STARD4: variants seen among roughly 807,000 people sequenced by gnomAD.
The protein encoded by STARD4 is StAR related lipid transfer domain containing 4, also known as stAR-related lipid transfer protein 4.
In STARD4, 33 loss-of-function variants were observed where a neutral mutation model predicts 24.9. That is an observed-to-expected ratio of 1.32 (90% CI 1.00 to 1.77). STARD4 has a LOEUF of 1.77. STARD4 is among the 40% of genes most tolerant of loss of function. The probability of loss-of-function intolerance (pLI) is 0.00; values close to 1 mark genes in which losing one functional copy is unlikely to be tolerated. For missense variants in STARD4, 238 were observed against 249.3 expected, an observed-to-expected ratio of 0.95 and a Z score of 0.31; for synonymous variants, 88 against 77.4, an observed-to-expected ratio of 1.14 and a Z score of -0.72.
chr5:111,499,728 A>G lies in STARD4; in HGVS notation c.*158T>C. The G allele has an allele frequency of 1.5e-6, 1 of 666,324 alleles. No homozygotes were observed. The allele number at this position is 666,324 out of a possible 1,614,324, so 41.3% of individuals were successfully genotyped here. On this transcript the variant is annotated 3_prime_UTR_variant, in exon 6 of 6. Coordinates refer to ENST00000296632, the MANE Select transcript of STARD4 (RefSeq NM_139164.3). Reference sequence around the variant, plus strand: ...TGAAAATGCCCTCTCTTAGATAGCTATTTACTTTAGGAATAAAACCAAACA... The same window carrying G: ...TGAAAATGCCCTCTCTTAGATAGCTGTTTACTTTAGGAATAAAACCAAACA...
In STARD4 at chr5:111,501,008, A is replaced by T; in HGVS notation, c.391T>A (p.Ser131Thr). 6.2e-7 allele frequency: 1 copy of T among 1,613,860 alleles called. No individual in the cohort carries two copies. Among genetic ancestry groups the T allele is most frequent in the Non-Finnish European group, 8.5e-7 (1 of 1,179,888 alleles). ...AACATGTTGAGATTATTACCACAAG[A>T]TAAAAGCCCTTCTTTATAGCCCACA... ...YTVGYKEGLL[S>T]CGISLDWDEK... is the part of the protein sequence containing the mutation. The change falls in exon 5 of 6, where the codon TCT becomes ACT. Residue 131 changes from serine to threonine, a missense_variant. By Grantham distance (58) the Ser-to-Thr change is moderately conservative. Coordinates refer to ENST00000296632, the MANE Select transcript of STARD4 (RefSeq NM_139164.3).
intron 4 of STARD4, 40 bp downstream of exon 4, chr5:111,501,922 C>G: frequency 6.2e-7 from 1 of 1,610,818 alleles, no homozygotes; most frequent in Non-Finnish European, 8.5e-7. Context: ...CTCCCTCATG[C>G]ACATACACAC....
intron 5 of STARD4, chr5:111,500,391 G>A (rs1008204912): frequency 1.8e-6 from 2 of 1,116,490 alleles, no homozygotes; most frequent in African/African-American, 3.3e-5. Context: ...GTAGTATCCA[G>A]GCCTTGAGGT....
chr5:111,512,198 C>G (rs1757359707), intron 1 of STARD4, 187 bp downstream of exon 1: 1 of 152,504 alleles, frequency 6.6e-6, no homozygotes, highest in Admixed American at 6.5e-5. Flanking sequence ...TCAGGTTTCT[C>G]TTTCATCTGT....
At chr5:111,505,276 T>C (rs1756773350) in intron 3 of STARD4, among the ~76,000 whole-genome samples, 1 of 152,230 alleles carries the variant, frequency 6.6e-6, no homozygotes, top group African/African-American at 2.4e-5. Context: ...AGAATTAACT[T>C]CCATACTTGC....
At chr5:111,510,907 C>T (rs1303747633) in intron 1 of STARD4, among the ~76,000 whole-genome samples, 1 of 152,104 alleles carries the variant, frequency 6.6e-6, no homozygotes, top group Admixed American at 6.5e-5. Flanking sequence ...TTTTGTAGTA[C>T]GACTAGGTCA....
Position 111,507,363 on chromosome 5 carries a change from A to G in STARD4, c.71T>C (p.Ile24Thr), listed in dbSNP as rs1756941118. The change falls in exon 2 of 6, where the codon ATT becomes ACT. Residue 24 changes from isoleucine to threonine, a missense_variant. Physicochemically the swap from Ile to Thr is moderately conservative, Grantham distance 89. Coordinates refer to ENST00000296632, the MANE Select transcript of STARD4 (RefSeq NM_139164.3). This position sits in a 1 kb window ranked among gnomAD's most constrained non-coding sequence, Gnocchi z 4.4. The part of the protein sequence containing the change: ...LKNTLIQYHS[I>T]EEDKWRVAKK... ...AGCAACTCGCCACTTATCTTCTTCA[A>G]TGCTATGGTACTGGATGAGAGTGTT... 1.2e-6 allele frequency: 2 copies of G among 1,613,446 alleles called. No homozygotes were observed. The highest frequency in any genetic ancestry group is 1.3e-5 in the African/African-American group (1 of 74,912).
intron 1 of STARD4, among the ~76,000 whole-genome samples, chr5:111,508,874 T>C (rs1158176763): frequency 6.6e-6 from 1 of 152,172 alleles, no homozygotes; most frequent in Non-Finnish European, 1.5e-5. Flanking sequence ...TTGTAGCCAA[T>C]ATTTAAATAC....
chr5:111,502,114 C>G (rs373809143), intron 3 of STARD4, 26 bp from the exon 4 acceptor site: 101 of 1,601,372 alleles, frequency 6.3e-5, no homozygotes, highest in Non-Finnish European at 7.9e-5. Flanking sequence ...TTAAGTCAAC[C>G]GCTGTTACAA....
intron 3 of STARD4, among the ~76,000 whole-genome samples, chr5:111,502,998 T>G (rs1432313247): frequency 1.3e-5 from 2 of 152,048 alleles, no homozygotes; most frequent in Non-Finnish European, 2.9e-5. Flanking sequence ...CCAAAAACAG[T>G]TTATAGAATG....
At chr5:111,501,932 C>A in intron 4 of STARD4, 30 bp downstream of exon 4, 1 of 1,612,650 alleles carries the variant, frequency 6.2e-7, no homozygotes, top group Non-Finnish European at 8.5e-7. Context: ...CACATACACA[C>A]AGTCTAAAGT....
chr5:111,500,944 A>G (rs766756884), intron 5 of STARD4, 58 bp downstream of exon 5: 28 of 1,611,396 alleles, frequency 1.7e-5, no homozygotes, highest in Non-Finnish European at 2.3e-5. Context: ...CATCCAGCCA[A>G]GAAAACACAA....
intron 1 of STARD4, among the ~76,000 whole-genome samples, chr5:111,508,731 A>C (rs928225639): frequency 6.6e-6 from 1 of 152,166 alleles, no homozygotes; most frequent in Non-Finnish European, 1.5e-5. Flanking sequence ...AAATAGTCTA[A>C]TTCAGTGGCT....
At chr5:111,508,986 A>C (rs866666128) in intron 1 of STARD4, among the ~76,000 whole-genome samples, 1 of 152,168 alleles carries the variant, frequency 6.6e-6, no homozygotes, top group African/African-American at 2.4e-5. Flanking sequence ...TTTAGGATCT[A>C]TGTAAGTGAT....
intron 3 of STARD4, chr5:111,505,005 C>A (rs1234663548): frequency 4.4e-6 from 2 of 455,180 alleles, no homozygotes; most frequent in African/African-American, 4.0e-5. Flanking sequence ...CTCAACACAT[C>A]AGGTCCTACC....
At chr5:111,508,892 T>G (rs1488111143) in intron 1 of STARD4, among the ~76,000 whole-genome samples, 1 of 152,084 alleles carries the variant, frequency 6.6e-6, no homozygotes, top group African/African-American at 2.4e-5. Flanking sequence ...TACCACTAAT[T>G]AGAGCATATA....
At chr5:111,502,331 T>C (rs1580849128) in intron 3 of STARD4, among the ~76,000 whole-genome samples, 1 of 152,014 alleles carries the variant, frequency 6.6e-6, no homozygotes, top group South Asian at 2.1e-4. Context: ...TAGCCAGGCA[T>C]GGTGGCATGC....
At chr5:111,511,661 G>A (rs1757295447) in intron 1 of STARD4, among the ~76,000 whole-genome samples, 1 of 152,170 alleles carries the variant, frequency 6.6e-6, no homozygotes, top group South Asian at 2.1e-4. Context: ...CCAACCCAGG[G>A]CGTCTGACTT....
chr5:111,506,232 T>TA, intron 3 of STARD4, 98 bp downstream of exon 3: 1 of 417,102 alleles, frequency 2.4e-6, no homozygotes, highest in Non-Finnish European at 4.2e-6. Flanking sequence ...AAAGAACTCT[T>TA]AAAAAGCTAA....
Sources: gnomAD v4.1 joint callset for allele counts (sites outside exome capture counted in the v4.1 genomes callset) on GRCh38, gnomAD v4.1.1 for gene constraint, Gnocchi (gnomAD v3.1) non-coding constraint, MANE v1.5 for transcripts, NCBI Gene and HGNC (gene_info 2026-07-23, HGNC 2026-07-21) for gene names.